The following SYT6 variants were observed in gnomAD, a reference collection of about 807,000 sequenced individuals.
SYT6 encodes synaptotagmin-6.
SYT6 carries 24 observed loss-of-function variants against 38.4 expected under a neutral mutation model. The observed-to-expected ratio is 0.62, with a 90% CI of 0.45 to 0.88. SYT6 has a LOEUF of 0.88. SYT6 is among the 40% of genes least tolerant of loss of function. The probability of loss-of-function intolerance (pLI) is 0.00; values close to 1 mark genes in which losing one functional copy is unlikely to be tolerated. For missense variants in SYT6, 611 were observed against 621.0 expected (o/e 0.98, Z 0.17); for synonymous variants, 265 against 241.9 (o/e 1.10, Z -0.89).
At chr1:114,116,484 G>A (rs369102156) in intron 3 of SYT6, among the ~76,000 whole-genome samples, 4 of 152,198 alleles carry the variant, frequency 2.6e-5, no homozygotes, top group African/African-American at 9.7e-5. Flanking sequence ...CCTGTCTCCT[G>A]TAAAGGTGTA....
At chr1:114,092,976 C>T (rs1166927144) in intron 7 of SYT6, among the ~76,000 whole-genome samples, 1 of 152,176 alleles carries the variant, frequency 6.6e-6, no homozygotes, top group Non-Finnish European at 1.5e-5. Flanking sequence ...CAGTACTGTC[C>T]TGGGTGTCTG....
intron 3 of SYT6, among the ~76,000 whole-genome samples, chr1:114,125,921 G>T (rs564381355): frequency 6.6e-6 from 1 of 152,132 alleles, no homozygotes; most frequent in East Asian, 1.9e-4. Flanking sequence ...AGAGGGGAGG[G>T]GGTCTTTGCT....
intron 6 of SYT6, among the ~76,000 whole-genome samples, chr1:114,095,862 G>A (rs893930196): frequency 6.6e-5 from 10 of 151,914 alleles, no homozygotes; most frequent in Non-Finnish European, 1.2e-4. Flanking sequence ...GGGTTTCACC[G>A]TGTTAGCCAG....
At position 114,091,968 on chromosome 1, in the gene SYT6, G is replaced by A; in HGVS notation, c.*166C>T. 6.5e-7 allele frequency: 1 copy of A among 1,528,404 alleles called. No individual in the cohort carries two copies. Among genetic ancestry groups the A allele is most frequent in the Non-Finnish European group, 8.8e-7 (1 of 1,139,904 alleles). 94.7% of individuals were successfully genotyped at this position (1,528,404 alleles called of 1,614,324 possible). On this transcript the variant is annotated 3_prime_UTR_variant, in exon 8 of 8. Coordinates refer to ENST00000610222, the MANE Select transcript of SYT6 (RefSeq NM_001253772.2). ...GTTTAGACGGTTGAACAAGTGCAAA[G>A]AGAACATTGCTGAGTCCCATTTGTG...
intron 3 of SYT6, among the ~76,000 whole-genome samples, chr1:114,105,460 C>CA (rs967653913): frequency 4.7e-5 from 7 of 150,344 alleles, no homozygotes; most frequent in Non-Finnish European, 5.9e-5. Flanking sequence ...AAGTCACCCC[C>CA]CAAATCAAAT....
intron 1 of SYT6, among the ~76,000 whole-genome samples, chr1:114,145,882 G>A (rs1679131598): frequency 6.6e-6 from 1 of 152,180 alleles, no homozygotes; most frequent in Non-Finnish European, 1.5e-5. Flanking sequence ...AATGAAAAGA[G>A]AGGTAGGAGA....
intron 3 of SYT6, among the ~76,000 whole-genome samples, chr1:114,130,008 C>T (rs1678054791): frequency 6.6e-6 from 1 of 152,018 alleles, no homozygotes; most frequent in Non-Finnish European, 1.5e-5. Context: ...TTGATCATGC[C>T]AGATGCCATC....
intron 3 of SYT6, among the ~76,000 whole-genome samples, chr1:114,122,407 G>C (rs370514562): frequency 3.2e-4 from 48 of 152,242 alleles, no homozygotes; most frequent in East Asian, 2.7e-3. Flanking sequence ...TTGACAGAAA[G>C]CCAATCAAAC....
At chr1:114,151,919 TA>T (rs1320696848) in intron 1 of SYT6, among the ~76,000 whole-genome samples, 1 of 152,148 alleles carries the variant, frequency 6.6e-6, no homozygotes, top group Non-Finnish European at 1.5e-5. Flanking sequence ...TACCACCCTC[TA>T]AAAGTTCTTT....
chr1:114,129,838 G>GGTT (rs1553183173), intron 3 of SYT6, among the ~76,000 whole-genome samples: 13 of 106,672 alleles, frequency 1.2e-4, no homozygotes, highest in African/African-American at 2.2e-4. Context: ...CACCACACCT[G>GGTT]TTTTTTTTTT....
intron 3 of SYT6, among the ~76,000 whole-genome samples, chr1:114,130,392 C>T (rs994427521): frequency 5.3e-5 from 8 of 152,152 alleles, no homozygotes; most frequent in African/African-American, 1.2e-4. Flanking sequence ...GAATAATTCC[C>T]GAGTGATTCC....
At chr1:114,149,647 T>C (rs563553785) in intron 1 of SYT6, among the ~76,000 whole-genome samples, 7 of 152,146 alleles carry the variant, frequency 4.6e-5, no homozygotes, top group African/African-American at 1.7e-4. Flanking sequence ...TATTATTAGT[T>C]TGGTGGATGG....
At chr1:114,137,032 C>A (rs1047182636) in intron 3 of SYT6, among the ~76,000 whole-genome samples, 1 of 152,146 alleles carries the variant, frequency 6.6e-6, no homozygotes, top group East Asian at 1.9e-4. Flanking sequence ...CTTGGGTCCC[C>A]AGGTAACAAG....
At chr1:114,106,642 G>T (rs898907362) in intron 3 of SYT6, among the ~76,000 whole-genome samples, 5 of 151,946 alleles carry the variant, frequency 3.3e-5, no homozygotes, top group African/African-American at 1.2e-4. Context: ...TATATTGTTG[G>T]TCCTTCTTGT....
chr1:114,129,564 TTTTCTTTCTTTCTTTCTTTCTTTC>T (rs58281086), intron 3 of SYT6, among the ~76,000 whole-genome samples: 2 of 113,034 alleles, frequency 1.8e-5, no homozygotes, highest in South Asian at 3.2e-4. Flanking sequence ...TTTTTCTTTC[TTTTCTTTCTTTCTTTCTTTCTTTC>T]TTTCTTTCTT....
intron 3 of SYT6, among the ~76,000 whole-genome samples, chr1:114,134,036 T>C (rs1429271495): frequency 1.3e-5 from 2 of 152,216 alleles, no homozygotes; most frequent in African/African-American, 4.8e-5. Flanking sequence ...CCGACTCTCC[T>C]GCACAAACTC....
At chr1:114,133,210 C>G (rs671346) in intron 3 of SYT6, among the ~76,000 whole-genome samples, 2,212 of 152,204 alleles carry the variant, frequency 0.015, 53 homozygotes, top group African/African-American at 0.051. Context: ...CACGCATACT[C>G]TAAACTAGTA....
chr1:114,105,982 G>T (rs1187655092), intron 3 of SYT6, among the ~76,000 whole-genome samples: 1 of 152,178 alleles, frequency 6.6e-6, no homozygotes, highest in South Asian at 2.1e-4. Flanking sequence ...CTAGCGGGGC[G>T]TAACCAGTTA....
intron 4 of SYT6, 23 bp downstream of exon 4, chr1:114,103,578 G>T (rs760270348): frequency 1.9e-6 from 3 of 1,613,284 alleles, no homozygotes; most frequent in Non-Finnish European, 2.5e-6. Flanking sequence ...CTGCTGGCAG[G>T]CCACTTGGGT....
Sources: allele counts gnomAD v4.1 joint callset (sites outside exome capture counted in the v4.1 genomes callset), GRCh38; gene constraint gnomAD v4.1.1; transcripts MANE v1.5; gene names NCBI Gene and HGNC (gene_info 2026-07-23, HGNC 2026-07-21).